Variants in PCDHGB5 observed in about 807,000 individuals in gnomAD.
PCDHGB5 encodes protocadherin gamma subfamily B, 5.
A neutral mutation model predicts 62.9 loss-of-function variants in PCDHGB5; 48 were observed. The ratio of observed to expected loss-of-function variants is 0.76; its 90% CI spans 0.61 to 0.97. The LOEUF (loss-of-function observed/expected upper bound fraction) is 0.97, where lower values mean the gene tolerates loss of function less well. PCDHGB5 is among the 50% of genes least tolerant of loss of function. PCDHGB5 has a pLI of 0.00. For synonymous variants in PCDHGB5, 474 were observed against 511.2 expected, an observed-to-expected ratio of 0.93 and a Z score of 0.98; for missense variants, 1,118 against 1,198.6, an observed-to-expected ratio of 0.93 and a Z score of 0.99.
chr5:141,484,866 C>A (rs1474623432), intron 1 of PCDHGB5: 9 of 275,500 alleles, frequency 3.3e-5, no homozygotes, highest in Non-Finnish European at 5.5e-5. Context: ...GGTGGGGGAG[C>A]GTGGAGGATA....
intron 1 of PCDHGB5, chr5:141,416,557 T>C (rs1428283225): frequency 3.9e-5 from 6 of 152,112 alleles, no homozygotes; most frequent in Non-Finnish European, 8.8e-5. Flanking sequence ...CCTGAAACTC[T>C]GAAAACTCTG....
rs200625256 is a variant in PCDHGB5 at position 141,477,009 on chromosome 5, A to G, written c.2398-17798A>G. 7.5e-5 allele frequency: 121 copies of G among 1,614,064 alleles called. No homozygotes were observed. Among genetic ancestry groups the G allele is most frequent in the Non-Finnish European group, 9.2e-5 (109 of 1,180,028 alleles). On this transcript the variant is annotated intron_variant, in intron 1 of 3. Transcript: ENST00000617380. This position sits in a 1 kb window ranked among gnomAD's most constrained non-coding sequence, Gnocchi z 4.9. The stretch of plus-strand genomic sequence containing the variant: ...GGCGTGCGGCAACTATTCGCCTTAG[A>G]CCTTGTAACCGGGATGCTGACAATC...
Position 141,511,565 on chromosome 5 carries a change from AG to A in PCDHGB5, c.*393del, listed in dbSNP as rs2099883852. 6.8e-6 allele frequency: 2 copies of A among 296,092 alleles called. No homozygotes were observed. Among genetic ancestry groups the A allele is most frequent in the South Asian group, 7.4e-5 (2 of 26,988 alleles). The allele number at this position is 296,092 out of a possible 1,614,324, so 18.3% of individuals were successfully genotyped here. On this transcript the variant is annotated 3_prime_UTR_variant, in exon 4 of 4. Transcript: ENST00000617380. ...CCACTCCAACAGTTCCTCTTTCCCG[AG>A]TAAGGTGGTTGGGGTGTTGAAGTAC...
intron 1 of PCDHGB5, chr5:141,413,770 G>A: frequency 6.2e-7 from 1 of 1,612,708 alleles, no homozygotes; most frequent in Non-Finnish European, 8.5e-7. Context: ...CCCGGAGCTG[G>A]TACTGGAGCA....
At chr5:141,474,345 G>A (rs541613646) in intron 1 of PCDHGB5, among the ~76,000 whole-genome samples, 7 of 152,124 alleles carry the variant, frequency 4.6e-5, no homozygotes, top group African/African-American at 7.2e-5. Flanking sequence ...TTGTTAAAAT[G>A]TAAGTCATGT....
intron 1 of PCDHGB5, chr5:141,415,094 A>T: frequency 1.9e-6 from 3 of 1,613,530 alleles, no homozygotes; most frequent in Non-Finnish European, 2.5e-6. Flanking sequence ...CTGGACAGAG[A>T]CGCGCTCAAG....
chr5:141,405,815 T>C (rs755764286), intron 1 of PCDHGB5, among the ~76,000 whole-genome samples: 14 of 103,812 alleles, frequency 1.3e-4, no homozygotes, highest in Non-Finnish European at 2.3e-4. Flanking sequence ...TCTTTAACTG[T>C]CTGTACTTAA....
At position 141,507,794 on chromosome 5, in the gene PCDHGB5, C is replaced by CT. The variant is rs576191739; in HGVS notation, c.2545+2314dup. On this transcript the variant is annotated intron_variant, in intron 3 of 3. Coordinates refer to ENST00000617380, the MANE Select transcript of PCDHGB5 (RefSeq NM_018925.3). ...CACAGGGCCTGACCCTCGTCTAAGC[C>CT]TGCGCCCTGGGGAACGGACCCTGGG... 7.9e-4 allele frequency among the ~76,000 whole-genome samples: 120 copies of CT among 152,356 alleles called. 2 individuals carry two copies. The highest frequency in any genetic ancestry group is 2.8e-3 in the African/African-American group (115 of 41,592).
intron 1 of PCDHGB5, among the ~76,000 whole-genome samples, chr5:141,460,070 T>C (rs547558436): frequency 2.0e-5 from 3 of 152,202 alleles, no homozygotes; most frequent in South Asian, 2.1e-4. Flanking sequence ...AGAGTGAGAC[T>C]TCATCTAAAA....
rs776219135 is a variant in PCDHGB5, at chr5:141,403,980, A to G, written c.2397+3456A>G. ...ATTTCGGTGGAAGATGTAAATGACA[A>G]TAGACCTGAAGTGACCATTACATCT... On this transcript the variant is annotated intron_variant, in intron 1 of 3. Coordinates refer to ENST00000617380, the MANE Select transcript of PCDHGB5 (RefSeq NM_018925.3). The G allele has an allele frequency of 5.0e-6, 8 of 1,613,890 alleles. No homozygotes were observed. In the South Asian group the frequency reaches 8.8e-5, roughly 18 times the overall value.
intron 1 of PCDHGB5, chr5:141,418,614 G>C: frequency 1.2e-6 from 2 of 1,613,994 alleles, no homozygotes; most frequent in Non-Finnish European, 1.7e-6. Flanking sequence ...GTTAGCCTTC[G>C]GGAAGACGTG....
chr5:141,464,483 C>G (rs192469583), intron 1 of PCDHGB5, among the ~76,000 whole-genome samples: 32 of 151,368 alleles, frequency 2.1e-4, no homozygotes, highest in African/African-American at 7.3e-4. Flanking sequence ...ATAATAAATT[C>G]CTAATAGTGT....
rs185995562 is a variant in PCDHGB5 at position 141,410,475 on chromosome 5, A to T, written c.2397+9951A>T. 63 of 1,614,052 alleles carry T rather than the reference A, an allele frequency of 3.9e-5. No individual in the cohort carries two copies. The highest frequency in any genetic ancestry group is 3.3e-4 in the Middle Eastern group (2 of 6,062). ...TATTCTTATAATCTGTGCATTGCAC[A>T]TACGGGTACAAAAGAGTTTAATTTC... On this transcript the variant is annotated intron_variant, in intron 1 of 3. Transcript: ENST00000617380.
intron 2 of PCDHGB5, among the ~76,000 whole-genome samples, chr5:141,501,290 T>TACACACACACACAC (rs55762287): frequency 7.3e-6 from 1 of 136,164 alleles, no homozygotes; most frequent in Non-Finnish European, 1.6e-5. Context: ...TATTCCCTTA[T>TACACACACACACAC]ACACACACAC....
chr5:141,432,650 G>T lies in PCDHGB5; in HGVS notation c.2397+32126G>T. 6.2e-7 allele frequency: 1 copy of T among 1,613,868 alleles called. No individual in the cohort carries two copies. The highest frequency in any genetic ancestry group is 1.1e-5 in the South Asian group (1 of 91,064). On this transcript the variant is annotated intron_variant, in intron 1 of 3. Transcript: ENST00000617380. The surrounding 1 kb of genome is among the most constrained non-coding windows in gnomAD (Gnocchi z 6.0). The stretch of plus-strand genomic sequence containing the variant: ...CACGGGCGAGGTGCGCACGGCGCGA[G>T]CCCTGCTGGACAGAGACGCGCTCAA...
intron 1 of PCDHGB5, among the ~76,000 whole-genome samples, chr5:141,461,819 A>G (rs573339238): frequency 1.3e-5 from 2 of 149,282 alleles, no homozygotes; most frequent in African/African-American, 2.5e-5. Flanking sequence ...ACACCCAGCT[A>G]ATTTTTTTTT....
In PCDHGB5 at chr5:141,477,176, G is replaced by C. The variant is rs766547728; in HGVS notation, c.2398-17631G>C. On this transcript the variant is annotated intron_variant, in intron 1 of 3. Coordinates refer to ENST00000617380, the MANE Select transcript of PCDHGB5 (RefSeq NM_018925.3). This position sits in a 1 kb window ranked among gnomAD's most constrained non-coding sequence, Gnocchi z 4.9. ...GAATGACAACGCCCCGGAGATCACAGTCACCTCCGTGTACAGCCCAGTACC... is the reference window on the plus strand; with the variant it reads ...GAATGACAACGCCCCGGAGATCACACTCACCTCCGTGTACAGCCCAGTACC... The C allele has an allele frequency of 1.2e-6, 2 of 1,614,206 alleles. No individual in the cohort carries two copies. The highest frequency in any genetic ancestry group is 3.3e-5 in the Admixed American group (2 of 60,024).
At chr5:141,463,168 T>C (rs74924211) in intron 1 of PCDHGB5, among the ~76,000 whole-genome samples, 6,974 of 152,254 alleles carry the variant, frequency 0.046, 178 homozygotes, top group Middle Eastern at 0.082. Context: ...GTGCACTCTA[T>C]GTATGCTCAG....
Position 141,398,072 on chromosome 5 carries a change from G to T in PCDHGB5, c.-56G>T. On this transcript the variant is annotated 5_prime_UTR_variant, in exon 1 of 4. Coordinates refer to ENST00000617380, the MANE Select transcript of PCDHGB5 (RefSeq NM_018925.3). ...AGATCCAAAAATCTACAATACAGAG[G>T]TTATTTGTAACCTGGCGTCTCCAGG... 3 of 1,588,646 alleles carry T rather than the reference G, an allele frequency of 1.9e-6. No individual in the cohort carries two copies. The highest frequency in any genetic ancestry group is 2.6e-6 in the Non-Finnish European group (3 of 1,167,678).
Sources: gnomAD v4.1 joint callset for allele counts (sites outside exome capture counted in the v4.1 genomes callset) on GRCh38, gnomAD v4.1.1 for gene constraint, Gnocchi (gnomAD v3.1) non-coding constraint, MANE v1.5 for transcripts, NCBI Gene and HGNC (gene_info 2026-07-23, HGNC 2026-07-21) for gene names.